NTRK3: variants seen among roughly 807,000 people sequenced by gnomAD.
NTRK3 encodes neurotrophic receptor tyrosine kinase 3.
Under a neutral mutation model 91.7 loss-of-function variants are expected in NTRK3, and 24 were observed. The observed-to-expected ratio is 0.26, with a 90% CI of 0.19 to 0.37. NTRK3 has a LOEUF of 0.37. Among genes scored for constraint, NTRK3 ranks in the 10% least tolerant of loss-of-function variants. The probability of loss-of-function intolerance (pLI) is 1.00; values close to 1 mark genes in which losing one functional copy is unlikely to be tolerated. For missense variants in NTRK3, 880 were observed against 1,068.9 expected (o/e 0.82, Z 2.46); for synonymous variants, 483 against 404.0 (o/e 1.20, Z -2.34).
chr15:87,920,524 T>C (rs1238850269), intron 17 of NTRK3, among the ~76,000 whole-genome samples: 3 of 152,112 alleles, frequency 2.0e-5, no homozygotes, highest in Non-Finnish European at 2.9e-5. Flanking sequence ...TTTAAGAAGA[T>C]CCCATACCTT....
intron 3 of NTRK3, among the ~76,000 whole-genome samples, chr15:88,191,614 A>ATGTGTG (rs2151678091): frequency 1.3e-5 from 2 of 152,352 alleles, no homozygotes; most frequent in African/African-American, 4.8e-5. Context: ...GCATGAATGC[A>ATGTGTG]CGTGTGCACA....
At chr15:87,940,902 A>G (rs185404458) in intron 14 of NTRK3, 149 bp from the exon 15 acceptor site, 7 of 1,048,254 alleles carry the variant, frequency 6.7e-6, no homozygotes, top group Non-Finnish European at 1.0e-5. Flanking sequence ...CTTTAGCATA[A>G]AAACTGACAT....
chr15:87,939,096 C>T (rs937909749), intron 15 of NTRK3, among the ~76,000 whole-genome samples: 4 of 152,032 alleles, frequency 2.6e-5, no homozygotes, highest in African/African-American at 9.7e-5. Context: ...GTTATAAGGC[C>T]CTCAAAGTCT....
In NTRK3 at chr15:87,950,064, C is replaced by T. The variant is rs967061138; in HGVS notation, c.1586-9311G>A. Among the ~76,000 whole-genome samples, 4 of 152,316 alleles carry T rather than the reference C, an allele frequency of 2.6e-5. No individual in the cohort carries two copies. In the East Asian group the frequency reaches 7.7e-4, roughly 29 times the overall value. On this transcript the variant is annotated intron_variant, in intron 14 of 18. Transcript: ENST00000394480. ...CTACTACCCAGGAATGCTGCCTTGG[C>T]CTCTCATTCCTGGCATCTGGCTCTG... is the stretch of plus-strand genomic sequence containing the variant.
chr15:87,967,340 C>T (rs536067826), intron 14 of NTRK3, among the ~76,000 whole-genome samples: 6 of 152,226 alleles, frequency 3.9e-5, no homozygotes, highest in South Asian at 2.1e-4. Context: ...GGGTGCTATA[C>T]AGAGTTAACC....
At chr15:88,222,050 G>A (rs2050281947) in intron 3 of NTRK3, among the ~76,000 whole-genome samples, 2 of 152,176 alleles carry the variant, frequency 1.3e-5, no homozygotes, top group African/African-American at 4.8e-5. Context: ...AGAAAGGCCT[G>A]TCATACCTCA....
At chr15:87,981,316 C>T in intron 14 of NTRK3, 1 of 1,602,748 alleles carries the variant, frequency 6.2e-7, no homozygotes, top group Non-Finnish European at 8.5e-7. Flanking sequence ...TCTCTATTGT[C>T]CTTCAAGTTT....
chr15:88,215,343 G>T (rs146797905), intron 3 of NTRK3, among the ~76,000 whole-genome samples: 7 of 152,176 alleles, frequency 4.6e-5, no homozygotes, highest in Admixed American at 6.5e-5. Flanking sequence ...GGGCAAACAC[G>T]GCCCCCCACT....
chr15:88,032,844 T>C lies in NTRK3; in HGVS notation c.1585+13A>G. 6.2e-7 allele frequency: 1 copy of C among 1,613,488 alleles called. No individual in the cohort carries two copies. The highest frequency in any genetic ancestry group is 1.6e-4 in the Middle Eastern group (1 of 6,062). ...CCTCCCCAGGAGGGAGAGCATTCCA[T>C]CCCAGTACTTACACGTGTCCGGCTT... On this transcript the variant is annotated intron_variant, in intron 14 of 18. Transcript: ENST00000394480.
At chr15:88,194,350 T>A (rs773576054) in intron 3 of NTRK3, among the ~76,000 whole-genome samples, 25 of 152,254 alleles carry the variant, frequency 1.6e-4, no homozygotes, top group Non-Finnish European at 1.8e-4. Flanking sequence ...CTGATAGCAC[T>A]CAAATGTGCA....
At chr15:88,063,934 T>C (rs1287181770) in intron 13 of NTRK3, among the ~76,000 whole-genome samples, 1 of 152,228 alleles carries the variant, frequency 6.6e-6, no homozygotes, top group Admixed American at 6.5e-5. Flanking sequence ...AAAAGACATA[T>C]GTCCACCTCA....
At chr15:88,204,706 G>A (rs1266133886) in intron 3 of NTRK3, among the ~76,000 whole-genome samples, 4 of 152,176 alleles carry the variant, frequency 2.6e-5, no homozygotes, top group Admixed American at 6.5e-5. Context: ...ATGGGAGCCC[G>A]CCCAAGCCAC....
chr15:88,101,346 T>A (rs1319708125), intron 13 of NTRK3, among the ~76,000 whole-genome samples: 2 of 152,134 alleles, frequency 1.3e-5, no homozygotes, highest in Non-Finnish European at 2.9e-5. Flanking sequence ...AGAATGGTGA[T>A]CATTAAAAAG....
At chr15:88,111,235 G>A (rs898603719) in intron 13 of NTRK3, among the ~76,000 whole-genome samples, 1 of 152,160 alleles carries the variant, frequency 6.6e-6, no homozygotes, top group African/African-American at 2.4e-5. Flanking sequence ...TCCTTCCAAG[G>A]CAAGTGGCTA....
At chr15:88,200,958 T>C (rs2048254211) in intron 3 of NTRK3, among the ~76,000 whole-genome samples, 1 of 152,156 alleles carries the variant, frequency 6.6e-6, no homozygotes, top group Admixed American at 6.5e-5. Flanking sequence ...GAGCACACCA[T>C]CATCTTTCCT....
In NTRK3 at chr15:88,255,200, G is replaced by A. The variant is rs915818657; in HGVS notation, c.248+706C>T. 1.3e-5 allele frequency among the ~76,000 whole-genome samples: 2 copies of A among 152,124 alleles called. No homozygotes were observed. Among genetic ancestry groups the A allele is most frequent in the African/African-American group, 4.8e-5 (2 of 41,416 alleles). On this transcript the variant is annotated intron_variant, in intron 3 of 18. Transcript: ENST00000394480. This position sits in a 1 kb window ranked among gnomAD's most constrained non-coding sequence, Gnocchi z 4.3. ...CCGAGCAGTTATCAAAGCCCAAACT[G>A]GGAAGGGATCTGTAGGCGCCCAGAT...
intron 13 of NTRK3, among the ~76,000 whole-genome samples, chr15:88,090,931 T>C (rs2048958022): frequency 6.6e-6 from 1 of 152,122 alleles, no homozygotes; most frequent in South Asian, 2.1e-4. Context: ...TGCACGGCCA[T>C]GCGTGCTCAA....
At chr15:88,253,808 C>T (rs996485897) in intron 3 of NTRK3, among the ~76,000 whole-genome samples, 19 of 152,196 alleles carry the variant, frequency 1.2e-4, no homozygotes, top group Non-Finnish European at 1.8e-4. Context: ...TCCTCCCAGA[C>T]GCCCTCCTGA....
chr15:87,935,382 C>T (rs1422579063), intron 15 of NTRK3, among the ~76,000 whole-genome samples: 1 of 152,146 alleles, frequency 6.6e-6, no homozygotes, highest in Non-Finnish European at 1.5e-5. Context: ...CTCTGGGAAG[C>T]TACCTAACAA....
Sources: gnomAD v4.1 joint callset for allele counts (sites outside exome capture counted in the v4.1 genomes callset) on GRCh38, gnomAD v4.1.1 for gene constraint, Gnocchi (gnomAD v3.1) non-coding constraint, MANE v1.5 for transcripts, NCBI Gene and HGNC (gene_info 2026-07-23, HGNC 2026-07-21) for gene names.